CUX1: variants seen among roughly 807,000 people sequenced by gnomAD.
The protein encoded by CUX1 is protein CASP.
CUX1 carries 31 observed loss-of-function variants against 158.8 expected under a neutral mutation model. The observed-to-expected ratio is 0.20, with a 90% CI of 0.15 to 0.26. The LOEUF (loss-of-function observed/expected upper bound fraction) is 0.26, where lower values mean the gene tolerates loss of function less well. Ranked by LOEUF, CUX1 falls within the 10% of genes least tolerant of loss-of-function variation. CUX1 has a pLI of 1.00. For synonymous variants in CUX1, 879 were observed against 862.1 expected, an observed-to-expected ratio of 1.02 and a Z score of -0.34; for missense variants, 1,589 against 2,014.6, an observed-to-expected ratio of 0.79 and a Z score of 4.04.
At chr7:102,283,109 G>A (rs373876353) in exon 23 of CUX1, 17 of 1,606,100 alleles carry the variant, frequency 1.1e-5, no homozygotes, top group Admixed American at 8.3e-5. Context: ...GGCCTCCCCC[G>A]TGACAGTGAC....
chr7:101,832,727 G>A (rs934352311), intron 1 of CUX1, among the ~76,000 whole-genome samples: 1 of 152,158 alleles, frequency 6.6e-6, no homozygotes, highest in Non-Finnish European at 1.5e-5. Flanking sequence ...ACTAATTATA[G>A]TGATACCTGG....
At chr7:102,086,976 G>C (rs1828013845) in intron 4 of CUX1, among the ~76,000 whole-genome samples, 1 of 151,934 alleles carries the variant, frequency 6.6e-6, no homozygotes, top group Non-Finnish European at 1.5e-5. Flanking sequence ...CTTTTGATGA[G>C]AGTTTTTATG....
intron 1 of CUX1, among the ~76,000 whole-genome samples, chr7:101,910,214 A>T (rs1405178566): frequency 1.3e-5 from 2 of 152,000 alleles, no homozygotes; most frequent in South Asian, 2.1e-4. Flanking sequence ...TGGCTTGATT[A>T]TGACTCACTG....
Position 102,187,336 on chromosome 7 carries a change from T to C in CUX1, c.1018-2477T>C, listed in dbSNP as rs150648783. 7.8e-4 allele frequency among the ~76,000 whole-genome samples: 118 copies of C among 151,570 alleles called. 1 individual carries two copies. In the East Asian group the frequency reaches 0.019, roughly 24 times the overall value. ...ATAGTGTGACCTCGTCACTACAAAA[T>C]AACTTTAAAAAAAAAAACAAAGAGT... On this transcript the variant is annotated intron_variant, in intron 11 of 23. Transcript: ENST00000292535.
intron 1 of CUX1, among the ~76,000 whole-genome samples, chr7:101,905,498 C>G (rs1185178035): frequency 6.6e-6 from 1 of 152,220 alleles, no homozygotes; most frequent in South Asian, 2.1e-4. Context: ...TCCGTGTTCA[C>G]GCTGGTCCCT....
chr7:102,116,569 C>A (rs1014470061), intron 8 of CUX1, among the ~76,000 whole-genome samples: 1 of 152,090 alleles, frequency 6.6e-6, no homozygotes, highest in African/African-American at 2.4e-5. Context: ...CACGTGAACC[C>A]AGGAGTTGAG....
chr7:101,964,069 G>C (rs1810838077), intron 2 of CUX1, among the ~76,000 whole-genome samples: 1 of 152,096 alleles, frequency 6.6e-6, no homozygotes, highest in African/African-American at 2.4e-5. Flanking sequence ...TGACAAGGCG[G>C]TACCGGGCAC....
intron 21 of CUX1, among the ~76,000 whole-genome samples, chr7:102,230,489 A>C (rs1282361232): frequency 6.6e-6 from 1 of 151,388 alleles, no homozygotes; most frequent in Non-Finnish European, 1.5e-5. Context: ...TATCTCAAAA[A>C]AAAAAAATTA....
intron 2 of CUX1, among the ~76,000 whole-genome samples, chr7:101,946,669 G>C (rs1808421379): frequency 2.0e-5 from 3 of 152,128 alleles, no homozygotes; most frequent in African/African-American, 7.2e-5. Context: ...CTGGTGGAGG[G>C]GGGCAGAGGA....
chr7:101,828,216 C>T (rs1304569918), intron 1 of CUX1, among the ~76,000 whole-genome samples: 3 of 151,870 alleles, frequency 2.0e-5, no homozygotes, highest in East Asian at 1.9e-4. Context: ...ATGATCTGTC[C>T]GCTTCGGCCT....
intron 1 of CUX1, among the ~76,000 whole-genome samples, chr7:101,906,679 G>T (rs1320672901): frequency 1.3e-5 from 2 of 152,158 alleles, no homozygotes; most frequent in East Asian, 3.9e-4. Context: ...TAGGAAGGGT[G>T]CCTCCTTCTC....
At chr7:102,069,038 C>G (rs1825848250) in intron 3 of CUX1, among the ~76,000 whole-genome samples, 1 of 152,174 alleles carries the variant, frequency 6.6e-6, no homozygotes, top group Admixed American at 6.5e-5. Flanking sequence ...CGGGACCGTC[C>G]TCAATTCACC....
At chr7:101,970,503 A>T (rs892998755) in intron 2 of CUX1, among the ~76,000 whole-genome samples, 3 of 152,172 alleles carry the variant, frequency 2.0e-5, no homozygotes, top group Non-Finnish European at 4.4e-5. Flanking sequence ...GAGGAGTGGG[A>T]CATGACCTCC....
intron 6 of CUX1, 50 bp downstream of exon 6, chr7:102,104,509 A>T: frequency 6.3e-7 from 1 of 1,595,392 alleles, no homozygotes; most frequent in Non-Finnish European, 8.5e-7. Flanking sequence ...TTTGCCCCTG[A>T]ACTTCACATC....
At chr7:102,051,468 T>C (rs1823488473) in intron 3 of CUX1, among the ~76,000 whole-genome samples, 1 of 151,606 alleles carries the variant, frequency 6.6e-6, no homozygotes, top group African/African-American at 2.4e-5. Flanking sequence ...GCCAACATGT[T>C]GAAAGCCCGT....
At chr7:101,994,733 CAGA>C (rs1488771086) in intron 2 of CUX1, among the ~76,000 whole-genome samples, 1 of 152,022 alleles carries the variant, frequency 6.6e-6, no homozygotes, top group Non-Finnish European at 1.5e-5. Context: ...AAGAATGTTC[CAGA>C]AGGTCTTGGT....
chr7:101,975,988 CA>C (rs372730617), intron 2 of CUX1, among the ~76,000 whole-genome samples: 71 of 152,178 alleles, frequency 4.7e-4, no homozygotes, highest in African/African-American at 1.6e-3. Context: ...TAAAATTAGC[CA>C]GGCGTTGTGA....
At chr7:101,985,322 C>A (rs544065727) in intron 2 of CUX1, among the ~76,000 whole-genome samples, 88 of 152,188 alleles carry the variant, frequency 5.8e-4, no homozygotes, top group Admixed American at 9.8e-4. Context: ...GTTTCCTGCC[C>A]TGTGGGGGAG....
chr7:102,039,142 A>G (rs1234830940), intron 3 of CUX1, among the ~76,000 whole-genome samples: 7 of 152,216 alleles, frequency 4.6e-5, no homozygotes, highest in Admixed American at 3.9e-4. Context: ...CTGTATACCC[A>G]GGGCCTCTCC....
Sources: gnomAD v4.1 joint callset for allele counts (sites outside exome capture counted in the v4.1 genomes callset) on GRCh38, gnomAD v4.1.1 for gene constraint, MANE v1.5 for transcripts, NCBI Gene and HGNC (gene_info 2026-07-23, HGNC 2026-07-21) for gene names.